DMTF1: variants seen among roughly 807,000 people sequenced by gnomAD.
DMTF1 encodes the protein cyclin D binding myb like transcription factor 1, also known as cyclin-D-binding Myb-like transcription factor 1.
Under a neutral mutation model 91.1 loss-of-function variants are expected in DMTF1, and 39 were observed. That is an observed-to-expected ratio of 0.43 (90% confidence interval 0.33 to 0.56). The LOEUF is 0.56. DMTF1 is among the 20% of genes least tolerant of loss of function. The pLI, the probability that DMTF1 is intolerant of heterozygous loss-of-function variation, is 0.05. For synonymous variants in DMTF1, 338 were observed against 309.5 expected (o/e 1.09, Z -0.97); for missense variants, 750 against 914.5 (o/e 0.82, Z 2.32).
At chr7:87,194,901 TTTCA>T in intron 17 of DMTF1, 73 bp downstream of exon 17, 1 of 1,507,326 alleles carries the variant, frequency 6.6e-7, no homozygotes, top group Non-Finnish European at 9.1e-7. Flanking sequence ...AATTAACTTG[TTTCA>T]GTCTTTCTTG....
At chr7:87,178,207 C>G (rs1796638693) in intron 7 of DMTF1, among the ~76,000 whole-genome samples, 1 of 152,076 alleles carries the variant, frequency 6.6e-6, no homozygotes, top group African/African-American at 2.4e-5. Flanking sequence ...TTCTGATGCT[C>G]TTAATTTTGA....
At chr7:87,173,170 G>T (rs1795488565) in intron 5 of DMTF1, among the ~76,000 whole-genome samples, 1 of 152,010 alleles carries the variant, frequency 6.6e-6, no homozygotes, top group South Asian at 2.1e-4. Context: ...TGTATATTGA[G>T]CTCATTTACA....
intron 12 of DMTF1, chr7:87,187,033 T>TC: frequency 6.6e-6 from 1 of 152,322 alleles, no homozygotes. Context: ...ATTATATAAA[T>TC]CTAGAGATCT....
At chr7:87,175,013 G>GT (rs1584336725) in intron 7 of DMTF1, among the ~76,000 whole-genome samples, 2 of 147,146 alleles carry the variant, frequency 1.4e-5, no homozygotes, top group East Asian at 4.0e-4. Flanking sequence ...GTTTTGTTTT[G>GT]TTTTGTTTTT....
chr7:87,192,664 A>G (rs11773103), intron 14 of DMTF1: 6,907 of 152,318 alleles, frequency 0.045, 186 homozygotes, highest in Middle Eastern at 0.071. Context: ...CAATTTTATT[A>G]TACTTCCTTT....
At chr7:87,171,511 CT>C (rs1795066188) in intron 5 of DMTF1, among the ~76,000 whole-genome samples, 1 of 152,154 alleles carries the variant, frequency 6.6e-6, no homozygotes, top group Non-Finnish European at 1.5e-5. Context: ...AGTTAATGTA[CT>C]GTGTCTCCTT....
intron 1 of DMTF1, among the ~76,000 whole-genome samples, chr7:87,161,093 CTGTG>C (rs1187600057): frequency 6.6e-6 from 1 of 151,992 alleles, no homozygotes; most frequent in Non-Finnish European, 1.5e-5. Flanking sequence ...GAATCTTGAA[CTGTG>C]TGTGTTACCC....
chr7:87,155,655 A>C (rs1420068900), intron 1 of DMTF1: 1 of 152,192 alleles, frequency 6.6e-6, no homozygotes, highest in Non-Finnish European at 1.5e-5. Flanking sequence ...AATAGAAATC[A>C]CAAATAGATT....
At chr7:87,160,735 C>T (rs1401817977) in intron 1 of DMTF1, among the ~76,000 whole-genome samples, 1 of 152,180 alleles carries the variant, frequency 6.6e-6, no homozygotes, top group Admixed American at 6.5e-5. Flanking sequence ...CAGCAGTTTT[C>T]AACATAGTTA....
At chr7:87,171,651 T>C (rs1035848441) in intron 5 of DMTF1, among the ~76,000 whole-genome samples, 1 of 152,208 alleles carries the variant, frequency 6.6e-6, no homozygotes, top group Non-Finnish European at 1.5e-5. Context: ...ATATACATTA[T>C]AGGCATGAAA....
intron 10 of DMTF1, among the ~76,000 whole-genome samples, chr7:87,183,524 G>A (rs1797808573): frequency 1.3e-5 from 2 of 152,198 alleles, no homozygotes; most frequent in South Asian, 2.1e-4. Context: ...TGCTAGAATA[G>A]GAGAGTAGAA....
At chr7:87,172,229 C>T (rs530861297) in intron 5 of DMTF1, among the ~76,000 whole-genome samples, 7 of 152,292 alleles carry the variant, frequency 4.6e-5, no homozygotes, top group African/African-American at 1.7e-4. Context: ...GCCTTAGACA[C>T]ATATAGTCTG....
intron 12 of DMTF1, 99 bp downstream of exon 12, chr7:87,186,079 CAT>C: frequency 7.6e-7 from 1 of 1,309,254 alleles, no homozygotes; most frequent in Non-Finnish European, 1.1e-6. Context: ...CTAGAGATAT[CAT>C]AGCAGATTTC....
chr7:87,192,126 T>C (rs142158733), intron 14 of DMTF1, among the ~76,000 whole-genome samples: 5 of 152,204 alleles, frequency 3.3e-5, no homozygotes, highest in East Asian at 1.9e-4. Flanking sequence ...ACCTACATAT[T>C]TGAGGTATGT....
intron 9 of DMTF1, 63 bp downstream of exon 9, chr7:87,181,404 A>G: frequency 1.2e-6 from 1 of 829,910 alleles, no homozygotes; most frequent in Non-Finnish European, 1.9e-6. Flanking sequence ...TAAAAGTTTT[A>G]CTTTGAAAAT....
intron 5 of DMTF1, 124 bp downstream of exon 5, chr7:87,171,213 G>T: frequency 1.8e-6 from 1 of 554,288 alleles, no homozygotes; most frequent in Non-Finnish European, 3.1e-6. Flanking sequence ...ACTGTGCCCA[G>T]GTTTAGCCCT....
At chr7:87,191,066 TGAGA>T in intron 14 of DMTF1, 39 bp downstream of exon 14, 1 of 1,325,402 alleles carries the variant, frequency 7.5e-7, no homozygotes, top group Non-Finnish European at 1.1e-6. Flanking sequence ...TTTTTATGCA[TGAGA>T]AAGATCAGTT....
chr7:87,170,692 A>G (rs989029183), intron 4 of DMTF1, among the ~76,000 whole-genome samples: 2 of 152,126 alleles, frequency 1.3e-5, no homozygotes, highest in Admixed American at 6.5e-5. Flanking sequence ...TCTCACTACT[A>G]ATCACCATCC....
chr7:87,186,406 C>T (rs1798443253), intron 12 of DMTF1: 1 of 155,310 alleles, frequency 6.4e-6, no homozygotes, highest in Non-Finnish European at 1.4e-5. Flanking sequence ...AGGCACACAC[C>T]ACCATGTCCA....
Sources: gnomAD v4.1 joint callset for allele counts (sites outside exome capture counted in the v4.1 genomes callset) on GRCh38, gnomAD v4.1.1 for gene constraint, MANE v1.5 for transcripts, NCBI Gene and HGNC (gene_info 2026-07-23, HGNC 2026-07-21) for gene names.